The following PRRC2C variants were observed in gnomAD, a reference collection of about 807,000 sequenced individuals.
PRRC2C encodes the protein protein PRRC2C.
In PRRC2C, 72 loss-of-function variants were observed where a neutral mutation model predicts 317.2. That is an observed-to-expected ratio of 0.23 (90% CI 0.19 to 0.28). PRRC2C has a LOEUF of 0.28. PRRC2C is among the 10% of genes least tolerant of loss of function. PRRC2C has a pLI of 1.00. For missense variants in PRRC2C, 3,074 were observed against 3,459.7 expected, an observed-to-expected ratio of 0.89 and a Z score of 2.80; for synonymous variants, 1,296 against 1,205.9, an observed-to-expected ratio of 1.07 and a Z score of -1.55.
Position 171,540,944 on chromosome 1 carries a change from G to C in PRRC2C, c.3478G>C (p.Ala1160Pro). Residue 1160 changes from alanine to proline, a missense_variant, in exon 16 of 35, where the codon GCA becomes CCA. This residue lies in a region of PRRC2C where 1,320 missense variants were observed against 1,395.7 expected (regional missense o/e 0.95). Transcript: ENST00000647382. ...IERPRPDSRPAVKKESTLPPR... is the reference protein window; with the variant it reads ...IERPRPDSRPPVKKESTLPPR... ...GAGGCCTCGACCAGATTCAAGACCAGCAGTTAAAAAAGAATCAACTTTGCC... is the reference window on the plus strand; with the variant it reads ...GAGGCCTCGACCAGATTCAAGACCACCAGTTAAAAAAGAATCAACTTTGCC... 6.2e-7 allele frequency: 1 copy of C among 1,613,888 alleles called. No individual in the cohort carries two copies. Among genetic ancestry groups the C allele is most frequent in the Non-Finnish European group, 8.5e-7 (1 of 1,179,848 alleles).
intron 1 of PRRC2C, among the ~76,000 whole-genome samples, chr1:171,497,133 TG>T (rs1352009741): frequency 6.6e-6 from 1 of 152,200 alleles, no homozygotes; most frequent in Non-Finnish European, 1.5e-5. Flanking sequence ...TTGTTGCTAT[TG>T]TGTTTTATCT....
Position 171,523,275 on chromosome 1 carries a change from A to G in PRRC2C, c.888A>G (p.Pro296=), listed in dbSNP as rs1297496814. The G allele has an allele frequency of 6.2e-7, 1 of 1,613,684 alleles. No homozygotes were observed. Among genetic ancestry groups the G allele is most frequent in the Admixed American group, 1.7e-5 (1 of 59,992 alleles). Residue 296 remains proline, a synonymous_variant, in exon 8 of 35, where the codon CCA becomes CCG. Transcript: ENST00000647382. ...CATGGGCCTCTGAGCCTGAACGCCC[A>G]TCCATTCTTAGTGCATCAGAACTGA... ...PPSWASEPER[P]SILSASELKE...
rs2421847 is a variant in PRRC2C at position 171,588,461 on chromosome 1, A to G, written c.8155A>G (p.Thr2719Ala). The G allele has an allele frequency of 0.038, 61,147 of 1,613,710 alleles. 1,309 individuals carry two copies. The highest frequency in any genetic ancestry group is 0.045 in the South Asian group (4,090 of 91,062). Residue 2719 changes from threonine to alanine, a missense_variant, in exon 33 of 35, where the codon ACT becomes GCT. Around this residue, in one of 11 missense-constraint regions of PRRC2C, gnomAD observed 490 missense variants for 663.1 expected, o/e 0.74. Coordinates refer to ENST00000647382, the MANE Select transcript of PRRC2C (RefSeq NM_001387844.1). ...YQKQFQSAPA[T>A]VRMTQPFPTQ... ...GAAGCAGTTCCAGTCAGCCCCTGCC[A>G]CTGTGAGAATGACACAACCATTTCC... is the stretch of plus-strand genomic sequence containing the variant.
At chr1:171,518,062 C>G (rs1302334467) in intron 6 of PRRC2C, among the ~76,000 whole-genome samples, 1 of 152,168 alleles carries the variant, frequency 6.6e-6, no homozygotes, top group Non-Finnish European at 1.5e-5. Flanking sequence ...AAACACCTAG[C>G]TGTTTTATTT....
Position 171,513,053 on chromosome 1 carries a change from T to G in PRRC2C, c.171T>G (p.Pro57=), listed in dbSNP as rs761353772. 1 of 1,613,838 alleles carries G rather than the reference T, an allele frequency of 6.2e-7. No individual in the cohort carries two copies. The highest frequency in any genetic ancestry group is 1.1e-5 in the South Asian group (1 of 91,068). The change falls in exon 3 of 35, where the codon CCT becomes CCG. Residue 57 remains proline, a synonymous_variant. Coordinates refer to ENST00000647382, the MANE Select transcript of PRRC2C (RefSeq NM_001387844.1). The part of the protein sequence containing the change: ...LGKVGISRRM[P]PPANLPSLKA... Reference sequence around the variant, plus strand: ...AAGTCGGTATTTCACGGCGTATGCCTCCACCTGCTAACCTCCCAAGTCTTA... The same window carrying G: ...AAGTCGGTATTTCACGGCGTATGCCGCCACCTGCTAACCTCCCAAGTCTTA...
At chr1:171,544,352 G>T (rs1160373829) in intron 16 of PRRC2C, among the ~76,000 whole-genome samples, 7 of 152,126 alleles carry the variant, frequency 4.6e-5, no homozygotes. Context: ...TCGAACTCCT[G>T]ACCTCAGGTG....
Position 171,587,115 on chromosome 1 carries a change from C to T in PRRC2C, c.7862C>T (p.Pro2621Leu), listed in dbSNP as rs753308644. Reference protein sequence around the residue: ...TLQPPLQHTTPQAQAQSLSRP... With the variant: ...TLQPPLQHTTLQAQAQSLSRP... Reference sequence around the variant, plus strand: ...CAGCCCCCATTACAGCATACCACTCCCCAAGCACAGGCTCAGAGTCTGAGT... The same window carrying T: ...CAGCCCCCATTACAGCATACCACTCTCCAAGCACAGGCTCAGAGTCTGAGT... The change falls in exon 31 of 35, where the codon CCC becomes CTC. Residue 2621 changes from proline to leucine, a missense_variant. Physicochemically the swap from Pro to Leu is moderately conservative, Grantham distance 98. Around this residue, in one of 11 missense-constraint regions of PRRC2C, gnomAD observed 490 missense variants for 663.1 expected, o/e 0.74. Transcript: ENST00000647382. 2 of 1,611,832 alleles carry T rather than the reference C, an allele frequency of 1.2e-6. No homozygotes were observed. Among genetic ancestry groups the T allele is most frequent in the Non-Finnish European group, 1.7e-6 (2 of 1,179,082 alleles).
chr1:171,552,749 A>C (rs1403788426), intron 18 of PRRC2C, among the ~76,000 whole-genome samples: 2 of 152,086 alleles, frequency 1.3e-5, no homozygotes, highest in Non-Finnish European at 2.9e-5. Flanking sequence ...GGTTCTGTTT[A>C]TGTGATGGAT....
chr1:171,539,043 C>G (rs1031334348), intron 15 of PRRC2C, among the ~76,000 whole-genome samples: 3 of 151,148 alleles, frequency 2.0e-5, no homozygotes, highest in Non-Finnish European at 4.4e-5. Context: ...CTCTTGTTGC[C>G]CAGGCTGGAG....
rs1353414975 is a variant in PRRC2C, at chr1:171,502,747, TG to T, written c.-57-9283del. ...AGGACGTTGATTGTTGTTATTGAGA[TG>T]GAGTTTTGCTCCGTACACAGGCTGG... On this transcript the variant is annotated intron_variant, in intron 1 of 34. Coordinates refer to ENST00000647382, the MANE Select transcript of PRRC2C (RefSeq NM_001387844.1). Among the ~76,000 whole-genome samples the T allele has an allele frequency of 2.0e-5, 3 of 152,300 alleles. 1 individual carries two copies. The East Asian group carries it at 5.8e-4, about 29-fold the overall frequency.
At position 171,566,231 on chromosome 1, in the gene PRRC2C, A is replaced by G; in HGVS notation, c.6118-2A>G. ...GCAAGTTTTAAAATATTCTTTTACTAGGGAGCGAAGAATGGTCAAGAAAGT... is the reference window on the plus strand; with the variant it reads ...GCAAGTTTTAAAATATTCTTTTACTGGGGAGCGAAGAATGGTCAAGAAAGT... On this transcript the variant is annotated splice_acceptor_variant, in intron 20 of 34. Transcript: ENST00000647382. LOFTEE classifies it high-confidence loss of function. 1 of 1,605,914 alleles carries G rather than the reference A, an allele frequency of 6.2e-7. No individual in the cohort carries two copies. The highest frequency in any genetic ancestry group is 8.5e-7 in the Non-Finnish European group (1 of 1,175,942).
At chr1:171,554,717 AC>A (rs1253645997) in intron 18 of PRRC2C, among the ~76,000 whole-genome samples, 2 of 152,218 alleles carry the variant, frequency 1.3e-5, no homozygotes, top group African/African-American at 4.8e-5. Context: ...TCCTTCACTT[AC>A]GAAGCTTAGT....
rs187304736 is a variant in PRRC2C at position 171,494,347 on chromosome 1, A to G, written c.-58+8612A>G. ...TTAGAACTCCAGCAGATTTATTTAT[A>G]TTACACTTTGTTTTTTAAAAAATGA... is the stretch of plus-strand genomic sequence containing the variant. On this transcript the variant is annotated intron_variant, in intron 1 of 34. Transcript: ENST00000647382. 7.2e-5 allele frequency among the ~76,000 whole-genome samples: 11 copies of G among 152,282 alleles called. No homozygotes were observed. The East Asian group carries it at 1.9e-3, about 27-fold the overall frequency.
chr1:171,547,034 C>G (rs2102546786), intron 17 of PRRC2C, among the ~76,000 whole-genome samples: 1 of 152,156 alleles, frequency 6.6e-6, no homozygotes, highest in East Asian at 1.9e-4. Flanking sequence ...TGAGACCAGC[C>G]TGACCAACAT....
At chr1:171,570,999 A>G (rs1467703587) in intron 23 of PRRC2C, among the ~76,000 whole-genome samples, 1 of 152,176 alleles carries the variant, frequency 6.6e-6, no homozygotes, top group East Asian at 1.9e-4. Flanking sequence ...GCTTTTTATC[A>G]GCATCCTCAG....
chr1:171,506,029 A>G (rs1421751617), intron 1 of PRRC2C, among the ~76,000 whole-genome samples: 1 of 152,182 alleles, frequency 6.6e-6, no homozygotes, highest in Non-Finnish European at 1.5e-5. Flanking sequence ...TCAGTAGGCT[A>G]TGCCATCTAC....
At position 171,532,553 on chromosome 1, in the gene PRRC2C, C is replaced by T; in HGVS notation, c.1465C>T (p.Arg489Ter). Reference sequence around the variant, plus strand: ...GGCAGCTTGTGCGGAGAAACTGAAACGATTGGATGAGAAGCTTGGCATCCT... The same window carrying T: ...GGCAGCTTGTGCGGAGAAACTGAAATGATTGGATGAGAAGCTTGGCATCCT... ...RKAACAEKLK[R>*]LDEKLGILEK... is the part of the protein sequence containing the mutation. The change falls in exon 12 of 35, where the codon CGA (arginine) becomes TGA (stop). Residue 489 changes from arginine (R) to a stop codon, truncating the protein, a stop_gained. Transcript: ENST00000647382. LOFTEE classifies it high-confidence loss of function. 6.3e-7 allele frequency: 1 copy of T among 1,585,036 alleles called. No individual in the cohort carries two copies. The highest frequency in any genetic ancestry group is 8.6e-7 in the Non-Finnish European group (1 of 1,165,712).
At chr1:171,496,276 C>G (rs762615136) in intron 1 of PRRC2C, among the ~76,000 whole-genome samples, 1 of 129,300 alleles carries the variant, frequency 7.7e-6, no homozygotes, top group Non-Finnish European at 1.5e-5. Flanking sequence ...TATCTTGGCT[C>G]ACTACAGCCT....
At chr1:171,586,150 C>T (rs887147116) in intron 30 of PRRC2C, among the ~76,000 whole-genome samples, 6 of 139,210 alleles carry the variant, frequency 4.3e-5, no homozygotes, top group African/African-American at 1.3e-4. Flanking sequence ...GCAACCTCCA[C>T]CTCCCAGGTT....
Sources: gnomAD v4.1 joint callset for allele counts (sites outside exome capture counted in the v4.1 genomes callset) on GRCh38, gnomAD v4.1.1 for gene constraint, gnomAD v4.1.1 regional missense constraint, MANE v1.5 for transcripts, NCBI Gene and HGNC (gene_info 2026-07-23, HGNC 2026-07-21) for gene names.